The following MAST2 variants were observed in gnomAD, a reference collection of about 807,000 sequenced individuals.
MAST2 encodes microtubule associated serine/threonine kinase 2.
MAST2 carries 70 observed loss-of-function variants against 147.4 expected under a neutral mutation model. That is an observed-to-expected ratio of 0.47 (90% CI 0.39 to 0.58). MAST2 has a LOEUF of 0.58. MAST2 is among the 20% of genes least tolerant of loss of function. The probability of loss-of-function intolerance (pLI) is 0.00; values close to 1 mark genes in which losing one functional copy is unlikely to be tolerated. For synonymous variants in MAST2, 869 were observed against 896.8 expected (o/e 0.97, Z 0.55); for missense variants, 2,080 against 2,302.3 (o/e 0.90, Z 1.98).
At chr1:45,943,862 G>A (rs1657671020) in intron 4 of MAST2, among the ~76,000 whole-genome samples, 1 of 152,218 alleles carries the variant, frequency 6.6e-6, no homozygotes, top group African/African-American at 2.4e-5. Flanking sequence ...CTGATAGCCT[G>A]TCACAGCTGA....
At chr1:45,908,724 T>G (rs1378132006) in intron 4 of MAST2, among the ~76,000 whole-genome samples, 1 of 152,200 alleles carries the variant, frequency 6.6e-6, no homozygotes, top group African/African-American at 2.4e-5. Flanking sequence ...GAACATGCAA[T>G]GTCTGCTTGA....
At chr1:45,886,988 T>G (rs1647122526) in intron 4 of MAST2, among the ~76,000 whole-genome samples, 1 of 152,122 alleles carries the variant, frequency 6.6e-6, no homozygotes. Context: ...CCACCACATC[T>G]GGCTAATTTT....
At chr1:45,850,287 A>G (rs1331916107) in intron 3 of MAST2, among the ~76,000 whole-genome samples, 6 of 151,932 alleles carry the variant, frequency 3.9e-5, no homozygotes, top group Non-Finnish European at 5.9e-5. Context: ...CCATTTTGTG[A>G]TGGGGTTGTT....
At chr1:45,914,034 T>A in intron 4 of MAST2, 1 of 313,594 alleles carries the variant, frequency 3.2e-6, no homozygotes, top group Non-Finnish European at 4.6e-6. Context: ...GTCAAAACAG[T>A]GGTCCTTGGC....
chr1:45,839,603 T>C (rs1330867060), intron 3 of MAST2, among the ~76,000 whole-genome samples: 1 of 152,088 alleles, frequency 6.6e-6, no homozygotes, highest in Non-Finnish European at 1.5e-5. Context: ...AAGATGTAAA[T>C]TTTCTCCATT....
intron 5 of MAST2, among the ~76,000 whole-genome samples, chr1:45,975,717 C>A (rs190642297): frequency 6.7e-6 from 1 of 150,236 alleles, no homozygotes; most frequent in East Asian, 2.0e-4. Flanking sequence ...AAGTACAGAT[C>A]GTTTGTTACT....
chr1:45,901,489 T>C (rs1375778378), intron 4 of MAST2, among the ~76,000 whole-genome samples: 1 of 152,220 alleles, frequency 6.6e-6, no homozygotes, highest in Non-Finnish European at 1.5e-5. Context: ...TGTGGGCTCT[T>C]CTTTGGTTCC....
At chr1:45,966,741 C>G (rs1661271617) in intron 5 of MAST2, among the ~76,000 whole-genome samples, 1 of 152,022 alleles carries the variant, frequency 6.6e-6, no homozygotes, top group Non-Finnish European at 1.5e-5. Context: ...AAAAGAAAAA[C>G]TCCCAGGCCG....
intron 3 of MAST2, among the ~76,000 whole-genome samples, chr1:45,857,222 T>C (rs553078943): frequency 6.6e-6 from 1 of 152,334 alleles, no homozygotes; most frequent in East Asian, 1.9e-4. Flanking sequence ...ATCTGGTACA[T>C]AGAGAATACT....
chr1:45,985,624 A>G (rs892710004), intron 5 of MAST2, among the ~76,000 whole-genome samples: 3 of 152,190 alleles, frequency 2.0e-5, no homozygotes, highest in South Asian at 2.1e-4. Context: ...TTGTATTTCC[A>G]TATGAATTTA....
At position 45,976,647 on chromosome 1, in the gene MAST2, C is replaced by T. The variant is rs114864544; in HGVS notation, c.592+17170C>T. Among the ~76,000 whole-genome samples, 1,148 of 152,118 alleles carry T rather than the reference C, an allele frequency of 7.5e-3. 18 individuals carry two copies. The highest frequency in any genetic ancestry group is 0.026 in the African/African-American group (1,077 of 41,492). On this transcript the variant is annotated intron_variant, in intron 5 of 28. Transcript: ENST00000361297. ...TGGCCATAAGAATTTGTGAATTGTACGATAAAAATGTTAAAATAAAAGTTA... is the reference window on the plus strand; with the variant it reads ...TGGCCATAAGAATTTGTGAATTGTATGATAAAAATGTTAAAATAAAAGTTA...
intron 4 of MAST2, among the ~76,000 whole-genome samples, chr1:45,908,871 C>T (rs1651206228): frequency 6.6e-6 from 1 of 152,106 alleles, no homozygotes; most frequent in African/African-American, 2.4e-5. Context: ...TTTTGAGTTT[C>T]CCTTCTTTCT....
At chr1:45,920,989 G>C (rs1019546724) in intron 4 of MAST2, among the ~76,000 whole-genome samples, 15 of 152,090 alleles carry the variant, frequency 9.9e-5, no homozygotes, top group Admixed American at 8.5e-4. Context: ...AATGTCTGTG[G>C]TGTTTTTTGT....
intron 6 of MAST2, among the ~76,000 whole-genome samples, chr1:45,998,270 A>C (rs1034881480): frequency 1.3e-5 from 2 of 152,158 alleles, no homozygotes; most frequent in Non-Finnish European, 2.9e-5. Flanking sequence ...TTTGAGCTGG[A>C]GTTCGTTTGG....
intron 3 of MAST2, among the ~76,000 whole-genome samples, chr1:45,852,816 A>G (rs566385210): frequency 8.6e-6 from 1 of 115,650 alleles, no homozygotes; most frequent in Non-Finnish European, 1.9e-5. Flanking sequence ...ATTCCATTGT[A>G]TGGTCACACA....
intron 3 of MAST2, among the ~76,000 whole-genome samples, chr1:45,869,941 G>A (rs1170145909): frequency 8.7e-6 from 1 of 115,084 alleles, no homozygotes. Flanking sequence ...GTTTGTTTTT[G>A]AGACAGAGTT....
chr1:45,836,368 A>C (rs1441660566), intron 3 of MAST2, among the ~76,000 whole-genome samples: 1 of 152,178 alleles, frequency 6.6e-6, no homozygotes, highest in African/African-American at 2.4e-5. Context: ...TTGAGGTCAC[A>C]TGGAGTATGC....
At chr1:46,016,353 A>G (rs1215138301) in intron 10 of MAST2, among the ~76,000 whole-genome samples, 2 of 151,990 alleles carry the variant, frequency 1.3e-5, no homozygotes, top group Non-Finnish European at 2.9e-5. Context: ...GGAGAAGGAA[A>G]TAAAGGGTAT....
chr1:45,931,270 A>G (rs1429197284), intron 4 of MAST2, among the ~76,000 whole-genome samples: 1 of 150,038 alleles, frequency 6.7e-6, no homozygotes, highest in Non-Finnish European at 1.5e-5. Context: ...AGACCAGTTT[A>G]TTTGATAGGA....
Sources: gnomAD v4.1 joint callset for allele counts (sites outside exome capture counted in the v4.1 genomes callset) on GRCh38, gnomAD v4.1.1 for gene constraint, MANE v1.5 for transcripts, NCBI Gene and HGNC (gene_info 2026-07-23, HGNC 2026-07-21) for gene names.